The following DNAH6 variants were observed in gnomAD, a reference collection of about 807,000 sequenced individuals.
DNAH6 encodes axonemal beta dynein heavy chain 6.
In DNAH6, 340 loss-of-function variants were observed where a neutral mutation model predicts 491.4. The observed-to-expected ratio is 0.69, with a 90% CI of 0.63 to 0.76. DNAH6 has a LOEUF of 0.76. Among genes scored for constraint, DNAH6 ranks in the 30% least tolerant of loss-of-function variants. DNAH6 has a pLI of 0.00. For synonymous variants in DNAH6, 1,603 were observed against 1,686.1 expected (o/e 0.95, Z 1.21); for missense variants, 4,443 against 4,972.2 (o/e 0.89, Z 3.20).
chr2:84,631,680 G>T (rs915665764), intron 29 of DNAH6, among the ~76,000 whole-genome samples: 1 of 152,222 alleles, frequency 6.6e-6, no homozygotes, highest in African/African-American at 2.4e-5. Flanking sequence ...CCCAAGGGTT[G>T]CCGGCAACCA....
At chr2:84,724,156 C>G (rs748327976) in intron 60 of DNAH6, among the ~76,000 whole-genome samples, 2 of 152,216 alleles carry the variant, frequency 1.3e-5, no homozygotes, top group African/African-American at 4.8e-5. Context: ...CATGACACAA[C>G]TCAGCCAACG....
intron 11 of DNAH6, among the ~76,000 whole-genome samples, chr2:84,558,378 C>G (rs992551936): frequency 6.7e-6 from 1 of 149,940 alleles, no homozygotes; most frequent in Non-Finnish European, 1.5e-5. Flanking sequence ...GAGCCGAGAT[C>G]GCGCCACTGC....
At chr2:84,674,479 C>T (rs933585556) in intron 40 of DNAH6, among the ~76,000 whole-genome samples, 1 of 152,022 alleles carries the variant, frequency 6.6e-6, no homozygotes, top group African/African-American at 2.4e-5. Context: ...TAAATGGAGA[C>T]TGAAGAGAGG....
At chr2:84,512,240 T>C (rs1675363293), upstream of DNAH6, among the ~76,000 whole-genome samples, 1 of 152,212 alleles carries the variant, frequency 6.6e-6, no homozygotes, top group African/African-American at 2.4e-5. Context: ...AACAAAGAGT[T>C]ATTTCTTACA....
chr2:84,461,284 T>C, the DNAH6 span, among the ~76,000 whole-genome samples: 1 of 152,252 alleles, frequency 6.6e-6, no homozygotes, highest in African/African-American at 2.4e-5. Context: ...GTTGGTCTGA[T>C]GATAATTTCC....
At chr2:84,582,399 G>T (rs567641349) in intron 14 of DNAH6, among the ~76,000 whole-genome samples, 1 of 152,248 alleles carries the variant, frequency 6.6e-6, no homozygotes, top group South Asian at 2.1e-4. Context: ...TTTATGACTT[G>T]CTAGACCTTC....
At chr2:84,651,850 T>G (rs1690480744) in intron 33 of DNAH6, among the ~76,000 whole-genome samples, 1 of 152,160 alleles carries the variant, frequency 6.6e-6, no homozygotes, top group Admixed American at 6.6e-5. Context: ...TGGTTGACAC[T>G]TTCATGTATT....
At position 84,671,855 on chromosome 2, in the gene DNAH6, G is replaced by A. The variant is rs74654930; in HGVS notation, c.6455-472G>A. 7.7e-4 allele frequency among the ~76,000 whole-genome samples: 117 copies of A among 152,336 alleles called. 2 individuals carry two copies. The East Asian group carries it at 0.021, about 27-fold the overall frequency. ...GGCATTGTGCAGCCCCACTGCACTG[G>A]ATTTCCCTTTGATGTGATCAGGATG... is the stretch of plus-strand genomic sequence containing the variant. On this transcript the variant is annotated intron_variant, in intron 39 of 76. Coordinates refer to ENST00000389394, the MANE Select transcript of DNAH6 (RefSeq NM_001370.2).
intron 45 of DNAH6, among the ~76,000 whole-genome samples, chr2:84,690,962 C>A (rs1408701554): frequency 6.6e-6 from 1 of 152,162 alleles, no homozygotes; most frequent in Non-Finnish European, 1.5e-5. Context: ...TGCTTCAGAG[C>A]CTGTGCTTTC....
At chr2:84,801,902 A>G (rs1678960273) in intron 70 of DNAH6, among the ~76,000 whole-genome samples, 1 of 151,828 alleles carries the variant, frequency 6.6e-6, no homozygotes, top group African/African-American at 2.4e-5. Flanking sequence ...AGAAAAGAAA[A>G]AAAGAAAGAA....
intron 63 of DNAH6, 47 bp downstream of exon 63, chr2:84,745,296 T>A (rs961881035): frequency 1.6e-5 from 20 of 1,264,664 alleles, no homozygotes; most frequent in Admixed American, 1.0e-4. Flanking sequence ...TTATTTCTAC[T>A]AAAGCTCACT....
At position 84,736,579 on chromosome 2, in the gene DNAH6, A is replaced by C. The variant is rs540517229; in HGVS notation, c.10342+3000A>C. On this transcript the variant is annotated intron_variant, in intron 62 of 76. Coordinates refer to ENST00000389394, the MANE Select transcript of DNAH6 (RefSeq NM_001370.2). ...ACTTCCTTGGTTAGATGTGTTCCTC[A>C]ATATTTTTGTGGCTATTTTAAATGG... Among the ~76,000 whole-genome samples, 5 of 151,786 alleles carry C rather than the reference A, an allele frequency of 3.3e-5. 1 individual carries two copies. In the South Asian group the frequency reaches 1.0e-3, roughly 32 times the overall value.
intron 39 of DNAH6, among the ~76,000 whole-genome samples, chr2:84,671,771 T>G (rs1692762833): frequency 6.6e-6 from 1 of 152,202 alleles, no homozygotes; most frequent in African/African-American, 2.4e-5. Context: ...ATCGGGTTTC[T>G]CTTTCCTCTG....
At chr2:84,463,556 T>G in the DNAH6 span, among the ~76,000 whole-genome samples, 3,687 of 152,188 alleles carry the variant, frequency 0.024, 72 homozygotes, top group Non-Finnish European at 0.037. Context: ...TTCCAGAGCG[T>G]TTTTTGTGTG....
chr2:84,797,686 T>G (rs1446194522), intron 70 of DNAH6, 28 bp downstream of exon 70: 2 of 1,536,920 alleles, frequency 1.3e-6, no homozygotes, highest in African/African-American at 2.8e-5. Flanking sequence ...TTAAAATACA[T>G]ATTTATGTTG....
chr2:84,791,907 A>G (rs771540194), intron 68 of DNAH6, among the ~76,000 whole-genome samples: 6 of 144,942 alleles, frequency 4.1e-5, no homozygotes, highest in Non-Finnish European at 5.9e-5. Flanking sequence ...CAAAGATGAC[A>G]TAGTCTCTGC....
At chr2:84,714,441 C>T (rs915860787) in intron 57 of DNAH6, among the ~76,000 whole-genome samples, 1 of 152,018 alleles carries the variant, frequency 6.6e-6, no homozygotes, top group Non-Finnish European at 1.5e-5. Context: ...ACCAACATTA[C>T]CAGAGGCTGG....
At chr2:84,798,836 G>C (rs1678594825) in intron 70 of DNAH6, among the ~76,000 whole-genome samples, 1 of 152,124 alleles carries the variant, frequency 6.6e-6, no homozygotes, top group South Asian at 2.1e-4. Flanking sequence ...AAAATCCACA[G>C]TTCTGGTCCC....
At chr2:84,513,290 A>G (rs1244225949), upstream of DNAH6, among the ~76,000 whole-genome samples, 1 of 152,094 alleles carries the variant, frequency 6.6e-6, no homozygotes, top group Non-Finnish European at 1.5e-5. Context: ...AACTCGGGAA[A>G]TCAGATTCTC....
Sources: allele counts gnomAD v4.1 joint callset (sites outside exome capture counted in the v4.1 genomes callset), GRCh38; gene constraint gnomAD v4.1.1; transcripts MANE v1.5; gene names NCBI Gene and HGNC (gene_info 2026-07-23, HGNC 2026-07-21).